Variants in GPC3 observed in about 807,000 individuals in gnomAD.
GPC3 encodes glypican 3.
In GPC3, 3 loss-of-function variants were observed where a neutral mutation model predicts 34.4. The ratio of observed to expected loss-of-function variants is 0.09; its 90% confidence interval spans 0.04 to 0.23. The LOEUF is 0.23. Ranked by LOEUF, GPC3 falls within the 10% of genes least tolerant of loss-of-function variation. The pLI is 1.00. For missense variants in GPC3, 351 were observed against 445.6 expected, an observed-to-expected ratio of 0.79 and a Z score of 1.91; for synonymous variants, 177 against 174.0, an observed-to-expected ratio of 1.02 and a Z score of -0.13.
intron 2 of GPC3, among the ~76,000 whole-genome samples, chrX:133,831,714 C>G (rs1252400959): frequency 9.0e-6 from 1 of 111,419 alleles, no homozygotes; most frequent in Non-Finnish European, 1.9e-5. Context: ...CAAAACAAAA[C>G]AAAACAAAAC....
intron 2 of GPC3, among the ~76,000 whole-genome samples, chrX:133,855,326 C>A (rs1005805645): frequency 9.1e-6 from 1 of 109,433 alleles, no homozygotes; most frequent in African/African-American, 3.3e-5. Flanking sequence ...CTACACCCGA[C>A]TAATTTTTTA....
intron 2 of GPC3, among the ~76,000 whole-genome samples, chrX:133,811,476 G>GT (rs1475344402): frequency 1.8e-5 from 2 of 111,418 alleles, no homozygotes; most frequent in East Asian, 2.8e-4. Flanking sequence ...TGGTTTTTGG[G>GT]TTTTTTGCTT....
intron 6 of GPC3, among the ~76,000 whole-genome samples, chrX:133,657,687 C>T (rs765569588): frequency 1.8e-5 from 2 of 111,598 alleles, no homozygotes; most frequent in South Asian, 7.6e-4. Flanking sequence ...AACCCATCCC[C>T]TCAAGGTTAT....
chrX:133,954,780 T>C, intron 1 of GPC3, among the ~76,000 whole-genome samples: 1 of 84,890 alleles, frequency 1.2e-5, no homozygotes, highest in East Asian at 4.4e-4. Flanking sequence ...GGAGTTTCGC[T>C]CTTGTCGCCC....
intron 6 of GPC3, among the ~76,000 whole-genome samples, chrX:133,604,556 A>G (rs1476446239): frequency 8.9e-6 from 1 of 111,815 alleles, no homozygotes; most frequent in Non-Finnish European, 1.9e-5. Flanking sequence ...TGGTTAGTAC[A>G]GAATGAAAAA....
intron 2 of GPC3, among the ~76,000 whole-genome samples, chrX:133,929,918 C>T (rs977445299): frequency 6.3e-5 from 7 of 111,950 alleles, no homozygotes; most frequent in Admixed American, 2.8e-4. Context: ...AAAACAAAAT[C>T]GGGCAACATT....
At chrX:133,840,253 A>AT (rs1185450457) in intron 2 of GPC3, among the ~76,000 whole-genome samples, 1 of 111,437 alleles carries the variant, frequency 9.0e-6, no homozygotes, top group Admixed American at 9.6e-5. Context: ...TTTATAGGCT[A>AT]TATATATGAC....
At chrX:133,885,921 A>C (rs1036230618) in intron 2 of GPC3, among the ~76,000 whole-genome samples, 5 of 111,588 alleles carry the variant, frequency 4.5e-5, no homozygotes, top group African/African-American at 1.6e-4. Flanking sequence ...ACAAAAAATC[A>C]AGGCAAGGAA....
intron 5 of GPC3, among the ~76,000 whole-genome samples, chrX:133,679,094 C>T (rs774020320): frequency 2.7e-5 from 3 of 112,203 alleles, no homozygotes; most frequent in South Asian, 3.8e-4. Flanking sequence ...TTCAGCACCA[C>T]GGGCTGACTT....
intron 7 of GPC3, among the ~76,000 whole-genome samples, chrX:133,554,765 A>C (rs1290433838): frequency 8.9e-6 from 1 of 111,940 alleles, no homozygotes; most frequent in African/African-American, 3.3e-5. Flanking sequence ...CCAGTAGGGG[A>C]ACGACACAGC....
chrX:133,605,180 G>A (rs991445365), intron 6 of GPC3, among the ~76,000 whole-genome samples: 1 of 108,326 alleles, frequency 9.2e-6, no homozygotes, highest in Non-Finnish European at 1.9e-5. Context: ...CGTGGGGGGG[G>A]GGCAATAAAG....
At chrX:133,573,659 C>G (rs748528946) in intron 7 of GPC3, among the ~76,000 whole-genome samples, 1 of 111,625 alleles carries the variant, frequency 9.0e-6, no homozygotes, top group Admixed American at 9.5e-5. Flanking sequence ...AAAAGTGATT[C>G]CACTTACAAC....
intron 2 of GPC3, among the ~76,000 whole-genome samples, chrX:133,835,853 C>G (rs993258402): frequency 8.9e-6 from 1 of 112,991 alleles, no homozygotes; most frequent in Non-Finnish European, 1.9e-5. Flanking sequence ...TTCACACATT[C>G]CAGAATTTAG....
intron 7 of GPC3, among the ~76,000 whole-genome samples, chrX:133,562,854 G>A (rs2069551226): frequency 9.2e-6 from 1 of 108,167 alleles, no homozygotes; most frequent in Non-Finnish European, 1.9e-5. Context: ...AGATTGAGTA[G>A]CTCCGGTCAA....
At chrX:133,658,435 A>C (rs893247309) in intron 6 of GPC3, among the ~76,000 whole-genome samples, 9 of 111,751 alleles carry the variant, frequency 8.1e-5, no homozygotes, top group African/African-American at 2.6e-4. Context: ...ACATGACATC[A>C]CTTTGAAATA....
At chrX:133,817,841 C>A (rs1246600511) in intron 2 of GPC3, among the ~76,000 whole-genome samples, 1 of 108,848 alleles carries the variant, frequency 9.2e-6, no homozygotes, top group East Asian at 2.9e-4. Context: ...ATTCCTGCTT[C>A]CCCCTCCCTG....
intron 1 of GPC3, among the ~76,000 whole-genome samples, chrX:133,971,101 T>C (rs2076490747): frequency 8.9e-6 from 1 of 112,086 alleles, no homozygotes; most frequent in South Asian, 3.8e-4. Flanking sequence ...AGGGGCTCCC[T>C]TATCTTCAGA....
At chrX:133,561,064 G>A (rs1361407753) in intron 7 of GPC3, among the ~76,000 whole-genome samples, 1 of 111,905 alleles carries the variant, frequency 8.9e-6, no homozygotes, top group Non-Finnish European at 1.9e-5. Context: ...CAGAGAAAGA[G>A]GTGCTACCAT....
At chrX:133,742,678 T>C (rs1479507652) in intron 3 of GPC3, among the ~76,000 whole-genome samples, 1 of 112,246 alleles carries the variant, frequency 8.9e-6, no homozygotes, top group East Asian at 2.8e-4. Context: ...TTATGAGGTT[T>C]ATTTGTACTG....
Sources: allele counts gnomAD v4.1 joint callset (sites outside exome capture counted in the v4.1 genomes callset), GRCh38; gene constraint gnomAD v4.1.1; transcripts MANE v1.5; gene names NCBI Gene and HGNC (gene_info 2026-07-23, HGNC 2026-07-21).